KIF2A: variants seen among roughly 807,000 people sequenced by gnomAD.
The protein encoded by KIF2A is kinesin family member 2A.
In KIF2A, 22 loss-of-function variants were observed where a neutral mutation model predicts 100.2. The observed-to-expected ratio is 0.22, with a 90% confidence interval of 0.16 to 0.31. The LOEUF (loss-of-function observed/expected upper bound fraction) is 0.31, where lower values mean the gene tolerates loss of function less well. Ranked by LOEUF, KIF2A falls within the 10% of genes least tolerant of loss-of-function variation. KIF2A has a pLI of 1.00. For synonymous variants in KIF2A, 268 were observed against 285.9 expected (o/e 0.94, Z 0.63); for missense variants, 495 against 898.7 (o/e 0.55, Z 5.74).
rs1282223689 is a variant in KIF2A, at chr5:62,389,284, G to C, written c.*3715G>C. On this transcript the variant is annotated 3_prime_UTR_variant, in exon 21 of 21. Transcript: ENST00000407818. Reference sequence around the variant, plus strand: ...GTGGATTACCTGAGGTCAGTAGTTCGAGAACAGTCTGGCCAACATGGTGAA... The same window carrying C: ...GTGGATTACCTGAGGTCAGTAGTTCCAGAACAGTCTGGCCAACATGGTGAA... Among the ~76,000 whole-genome samples the C allele has an allele frequency of 6.6e-6, 1 of 151,866 alleles. No homozygotes were observed. The highest frequency in any genetic ancestry group is 1.5e-5 in the Non-Finnish European group (1 of 67,970).
At chr5:62,342,352 C>T (rs1202109656) in intron 1 of KIF2A, among the ~76,000 whole-genome samples, 1 of 152,204 alleles carries the variant, frequency 6.6e-6, no homozygotes, top group African/African-American at 2.4e-5. Context: ...CAGTTAAACT[C>T]ATCCTCTTTC....
intron 1 of KIF2A, chr5:62,308,201 A>G (rs987841998): frequency 2.4e-5 from 11 of 462,456 alleles, no homozygotes; most frequent in South Asian, 5.4e-5. Flanking sequence ...GAAATTACCA[A>G]TAACACTAAT....
intron 1 of KIF2A, among the ~76,000 whole-genome samples, chr5:62,308,087 G>A (rs1326506412): frequency 6.6e-6 from 1 of 152,172 alleles, no homozygotes; most frequent in African/African-American, 2.4e-5. Context: ...ACCCTATATA[G>A]CTAATGATTT....
At chr5:62,329,324 T>C (rs1276240473) in intron 1 of KIF2A, among the ~76,000 whole-genome samples, 2 of 152,234 alleles carry the variant, frequency 1.3e-5, no homozygotes, top group Non-Finnish European at 2.9e-5. Flanking sequence ...ACATTATTTA[T>C]GTCCTTCTCT....
At chr5:62,323,917 C>G (rs1580010013) in intron 1 of KIF2A, among the ~76,000 whole-genome samples, 1 of 151,880 alleles carries the variant, frequency 6.6e-6, no homozygotes, top group African/African-American at 2.4e-5. Flanking sequence ...ACCTGTGGTC[C>G]CAGCCACTCT....
intron 20 of KIF2A, among the ~76,000 whole-genome samples, chr5:62,383,599 T>C (rs2112014334): frequency 6.6e-6 from 1 of 152,320 alleles, no homozygotes; most frequent in Middle Eastern, 3.4e-3. Context: ...TGACTGGTTA[T>C]GAAGTTGGTT....
chr5:62,350,906 C>T (rs914728403), intron 4 of KIF2A, among the ~76,000 whole-genome samples: 46 of 143,754 alleles, frequency 3.2e-4, no homozygotes, highest in Non-Finnish European at 4.1e-4. Context: ...AGCGAGACTC[C>T]ATCTCCAAAA....
In KIF2A at chr5:62,335,182, G is replaced by T. The variant is rs532462919; in HGVS notation, c.65-11948G>T. 1.9e-4 allele frequency among the ~76,000 whole-genome samples: 29 copies of T among 152,358 alleles called. 1 individual carries two copies. The South Asian group carries it at 6.0e-3, about 32-fold the overall frequency. ...CTTCCCAGGTTTCTCTAAGGAGATT[G>T]CAGCAACCCTGGCTGGAGTGCCTGG... On this transcript the variant is annotated intron_variant, in intron 1 of 20. Transcript: ENST00000407818.
chr5:62,363,588 T>C, intron 13 of KIF2A, 107 bp from the exon 14 acceptor site: 2 of 976,220 alleles, frequency 2.0e-6, no homozygotes, highest in Non-Finnish European at 3.1e-6. Flanking sequence ...AGATGAAAAC[T>C]AGCTAAATCG....
chr5:62,312,667 A>G (rs1459708038), intron 1 of KIF2A, among the ~76,000 whole-genome samples: 1 of 152,242 alleles, frequency 6.6e-6, no homozygotes, highest in Non-Finnish European at 1.5e-5. Flanking sequence ...CAGCTCTTTT[A>G]GATAAAGCAA....
chr5:62,367,237 CA>C (rs1299841550), intron 16 of KIF2A, among the ~76,000 whole-genome samples: 2 of 151,792 alleles, frequency 1.3e-5, no homozygotes, highest in Non-Finnish European at 2.9e-5. Context: ...GAAGTGATAG[CA>C]CAGTTCTTTC....
intron 1 of KIF2A, among the ~76,000 whole-genome samples, chr5:62,335,188 A>G (rs566005732): frequency 6.6e-6 from 1 of 152,298 alleles, no homozygotes; most frequent in African/African-American, 2.4e-5. Flanking sequence ...GATTGCAGCA[A>G]CCCTGGCTGG....
At chr5:62,310,977 G>A (rs999608168) in intron 1 of KIF2A, among the ~76,000 whole-genome samples, 1 of 152,082 alleles carries the variant, frequency 6.6e-6, no homozygotes, top group African/African-American at 2.4e-5. Context: ...CAGCTAATAT[G>A]GGATTGTTCT....
In KIF2A at chr5:62,387,625, G is replaced by T. The variant is rs1742096873; in HGVS notation, c.*2056G>T. 2 of 152,102 alleles carry T rather than the reference G, an allele frequency of 1.3e-5. No individual in the cohort carries two copies. Among genetic ancestry groups the T allele is most frequent in the South Asian group, 4.1e-4 (2 of 4,834 alleles). The allele number at this position is 152,102 out of a possible 1,614,324, so 9.4% of individuals were successfully genotyped here. On this transcript the variant is annotated 3_prime_UTR_variant, in exon 21 of 21. Coordinates refer to ENST00000407818, the MANE Select transcript of KIF2A (RefSeq NM_001098511.3). ...AGGCCAGAAAAGGAACTAAAACTCA[G>T]CAGTTCATAGGGGTAGAGGGAAATA...
chr5:62,350,080 A>G lies in KIF2A; in HGVS notation c.294A>G (p.Val98=), dbSNP rs1310881794. 1.3e-6 allele frequency: 2 copies of G among 1,589,452 alleles called. No individual in the cohort carries two copies. The highest frequency in any genetic ancestry group is 1.7e-6 in the Non-Finnish European group (2 of 1,167,598). ...VNKIVKNRRT[V]ASIKNDPPSR... ...TCCTTTCATAGAATCGACGGACTGT[A>G]GCTTCTATTAAGAATGACCCTCCTT... The change falls in exon 4 of 21, where the codon GTA becomes GTG. Residue 98 remains valine, a synonymous_variant. Transcript: ENST00000407818.
At chr5:62,315,467 G>A (rs1205439075) in intron 1 of KIF2A, among the ~76,000 whole-genome samples, 2 of 152,182 alleles carry the variant, frequency 1.3e-5, no homozygotes, top group Non-Finnish European at 2.9e-5. Context: ...CAGAGTATCT[G>A]ACAAGACTTC....
Position 62,361,305 on chromosome 5 carries a change from T to C in KIF2A, c.936T>C (p.Tyr312=), listed in dbSNP as rs115557867. Reference sequence around the variant, plus strand: ...GGGGAATGGCTACATGCTTTGCTTATGGGCAGACTGGAAGTGGAAAAACTC... The same window carrying C: ...GGGGAATGGCTACATGCTTTGCTTACGGGCAGACTGGAAGTGGAAAAACTC... ...FERGMATCFA[Y]GQTGSGKTHT... Residue 312 remains tyrosine, a synonymous_variant, in exon 10 of 21, where the codon TAT becomes TAC. Coordinates refer to ENST00000407818, the MANE Select transcript of KIF2A (RefSeq NM_001098511.3). 1.2e-3 allele frequency: 1,906 copies of C among 1,608,316 alleles called. 24 individuals are homozygous for C. In the African/African-American group the frequency reaches 0.023, roughly 19 times the overall value.
chr5:62,356,111 A>G (rs1211105510), intron 7 of KIF2A, among the ~76,000 whole-genome samples: 1 of 152,176 alleles, frequency 6.6e-6, no homozygotes, highest in Admixed American at 6.5e-5. Flanking sequence ...GAATGCTTTT[A>G]TAACTAATTT....
In KIF2A at chr5:62,361,708, T is replaced by A. The variant is rs555376952; in HGVS notation, c.1027+179T>A. Reference sequence around the variant, plus strand: ...CTATAAGATTATATATTCACAATAATTTTTTTTTTTTTTAAGAAGACAAGA... The same window carrying A: ...CTATAAGATTATATATTCACAATAAATTTTTTTTTTTTTAAGAAGACAAGA... On this transcript the variant is annotated intron_variant, in intron 11 of 20. Transcript: ENST00000407818. Among the ~76,000 whole-genome samples the A allele has an allele frequency of 4.1e-4, 20 of 48,850 alleles. No individual in the cohort carries two copies. The East Asian group carries it at 0.015, about 37-fold the overall frequency. The allele number at this position is 48,850 out of a possible 152,430, so 32.0% of individuals were successfully genotyped here.
Sources: gnomAD v4.1 joint callset for allele counts (sites outside exome capture counted in the v4.1 genomes callset) on GRCh38, gnomAD v4.1.1 for gene constraint, MANE v1.5 for transcripts, NCBI Gene and HGNC (gene_info 2026-07-23, HGNC 2026-07-21) for gene names.